ROBO2: variants seen among roughly 807,000 people sequenced by gnomAD.
ROBO2 encodes roundabout homolog 2.
In ROBO2, 53 loss-of-function variants were observed where a neutral mutation model predicts 160.8. The ratio of observed to expected loss-of-function variants is 0.33; its 90% confidence interval spans 0.26 to 0.41. ROBO2 has a LOEUF of 0.41. ROBO2 is among the 10% of genes least tolerant of loss of function. ROBO2 has a pLI of 1.00. For missense variants in ROBO2, 1,577 were observed against 1,722.4 expected, an observed-to-expected ratio of 0.92 and a Z score of 1.49; for synonymous variants, 664 against 611.7, an observed-to-expected ratio of 1.09 and a Z score of -1.26.
chr3:77,280,261 G>C (rs1240618966), intron 2 of ROBO2, among the ~76,000 whole-genome samples: 1 of 152,072 alleles, frequency 6.6e-6, no homozygotes, highest in Non-Finnish European at 1.5e-5. Context: ...ACCTTACTTA[G>C]GCTACATGAT....
At chr3:77,211,117 C>T (rs565530536) in intron 2 of ROBO2, among the ~76,000 whole-genome samples, 2,259 of 152,212 alleles carry the variant, frequency 0.015, 69 homozygotes, top group African/African-American at 0.051. Flanking sequence ...AATGGGATGG[C>T]TGGGTCAAAT....
At chr3:77,182,475 G>A (rs1268360743) in intron 2 of ROBO2, among the ~76,000 whole-genome samples, 2 of 152,026 alleles carry the variant, frequency 1.3e-5, no homozygotes, top group African/African-American at 4.8e-5. Flanking sequence ...GAAGGAGGGA[G>A]CAATTAATTC....
chr3:76,201,575 A>T (rs2036136193), intron 2 of ROBO2, among the ~76,000 whole-genome samples: 1 of 152,270 alleles, frequency 6.6e-6, no homozygotes, highest in African/African-American at 2.4e-5. Flanking sequence ...ACACTATGTT[A>T]ATTAAAGGTT....
At chr3:76,142,459 C>T (rs1162224692) in intron 2 of ROBO2, among the ~76,000 whole-genome samples, 1 of 151,986 alleles carries the variant, frequency 6.6e-6, no homozygotes, top group Non-Finnish European at 1.5e-5. Context: ...AGTACATATA[C>T]ACAATGGAGT....
chr3:77,050,901 C>T (rs2065169200), intron 1 of ROBO2, among the ~76,000 whole-genome samples: 1 of 151,450 alleles, frequency 6.6e-6, no homozygotes, highest in Non-Finnish European at 1.5e-5. Flanking sequence ...ACCTGTAGTC[C>T]CAGCTACTTG....
intron 2 of ROBO2, among the ~76,000 whole-genome samples, chr3:76,133,050 A>G (rs569313943): frequency 2.6e-5 from 4 of 152,222 alleles, no homozygotes; most frequent in African/African-American, 4.8e-5. Flanking sequence ...TATATTTGTC[A>G]AATATATTTA....
At chr3:76,707,314 A>T (rs1255304188) in intron 2 of ROBO2, among the ~76,000 whole-genome samples, 1 of 152,126 alleles carries the variant, frequency 6.6e-6, no homozygotes, top group Non-Finnish European at 1.5e-5. Flanking sequence ...TGAGAATAAT[A>T]GGTGATTCCT....
At chr3:76,068,357 GAAA>G (rs2068331843) in intron 2 of ROBO2, among the ~76,000 whole-genome samples, 1 of 152,090 alleles carries the variant, frequency 6.6e-6, no homozygotes, top group African/African-American at 2.4e-5. Flanking sequence ...GAATGAGATG[GAAA>G]GCCACTGAAG....
At chr3:77,002,544 C>T (rs1031609691) in intron 2 of ROBO2, among the ~76,000 whole-genome samples, 1 of 151,834 alleles carries the variant, frequency 6.6e-6, no homozygotes, top group Non-Finnish European at 1.5e-5. Context: ...AAAACATAGT[C>T]ATGATTCTAC....
intron 2 of ROBO2, among the ~76,000 whole-genome samples, chr3:76,026,544 A>C (rs1221968005): frequency 6.6e-6 from 1 of 152,082 alleles, no homozygotes; most frequent in East Asian, 1.9e-4. Flanking sequence ...AAACTATCAG[A>C]TAAAATACAT....
At chr3:77,287,810 A>G (rs890431941) in intron 2 of ROBO2, among the ~76,000 whole-genome samples, 63 of 152,168 alleles carry the variant, frequency 4.1e-4, no homozygotes, top group African/African-American at 1.4e-3. Flanking sequence ...CTTTCCCTAG[A>G]GTATAATTTA....
chr3:76,284,068 A>G (rs1051265367), intron 2 of ROBO2, among the ~76,000 whole-genome samples: 2 of 152,038 alleles, frequency 1.3e-5, no homozygotes, highest in South Asian at 2.1e-4. Flanking sequence ...TTTGGTTCCA[A>G]TTTCATATCC....
At chr3:76,418,172 T>C (rs2075830677) in intron 2 of ROBO2, among the ~76,000 whole-genome samples, 1 of 151,762 alleles carries the variant, frequency 6.6e-6, no homozygotes, top group Admixed American at 6.6e-5. Flanking sequence ...ATTATATAAC[T>C]AGGGACTTGC....
chr3:76,346,573 T>A (rs2074544349), intron 2 of ROBO2, among the ~76,000 whole-genome samples: 4 of 152,164 alleles, frequency 2.6e-5, no homozygotes, highest in South Asian at 2.1e-4. Context: ...CAGTTAGAAA[T>A]GTGGGCAATG....
At chr3:77,289,797 C>A (rs990537584) in intron 2 of ROBO2, among the ~76,000 whole-genome samples, 1 of 151,840 alleles carries the variant, frequency 6.6e-6, no homozygotes, top group Admixed American at 6.6e-5. Flanking sequence ...GAGGCTAGAT[C>A]ACCAAAGACA....
intron 2 of ROBO2, among the ~76,000 whole-genome samples, chr3:76,724,635 A>G (rs2093518694): frequency 6.6e-6 from 1 of 152,136 alleles, no homozygotes; most frequent in Non-Finnish European, 1.5e-5. Context: ...CTATTTGTTT[A>G]CCAAATACAT....
chr3:76,216,009 C>T (rs1391496650), intron 2 of ROBO2, among the ~76,000 whole-genome samples: 1 of 152,166 alleles, frequency 6.6e-6, no homozygotes, highest in East Asian at 1.9e-4. Flanking sequence ...CAATATTCAA[C>T]ATTCTTAAAG....
At chr3:76,834,238 T>G (rs1211163214) in intron 2 of ROBO2, among the ~76,000 whole-genome samples, 3 of 150,670 alleles carry the variant, frequency 2.0e-5, no homozygotes, top group Non-Finnish European at 4.4e-5. Context: ...AAGGTCTTAC[T>G]ATGTCACCCA....
intron 2 of ROBO2, among the ~76,000 whole-genome samples, chr3:77,101,697 G>A (rs1360292259): frequency 6.6e-6 from 1 of 152,162 alleles, no homozygotes; most frequent in Non-Finnish European, 1.5e-5. Context: ...CAGAGTGATA[G>A]AATATGGGCA....
Sources: allele counts gnomAD v4.1 joint callset (sites outside exome capture counted in the v4.1 genomes callset), GRCh38; gene constraint gnomAD v4.1.1; transcripts MANE v1.5; gene names NCBI Gene and HGNC (gene_info 2026-07-23, HGNC 2026-07-21).